Variants in TXNDC11 observed in about 807,000 individuals in gnomAD.
TXNDC11 encodes the protein thioredoxin domain-containing protein 11.
A neutral mutation model predicts 78.0 loss-of-function variants in TXNDC11; 68 were observed. The observed-to-expected ratio is 0.87, with a 90% CI of 0.72 to 1.07. The LOEUF (loss-of-function observed/expected upper bound fraction) is 1.07. Ranked by LOEUF, TXNDC11 falls within the 50% of genes least tolerant of loss-of-function variation. The pLI, the probability that TXNDC11 is intolerant of heterozygous loss-of-function variation, is 0.00. For missense variants in TXNDC11, 1,389 were observed against 1,221.8 expected (o/e 1.14, Z -2.04); for synonymous variants, 571 against 495.2 (o/e 1.15, Z -2.03).
rs746330131 is a variant in TXNDC11 at position 11,679,538 on chromosome 16, A to C, written c.2534T>G (p.Leu845Arg). 1 of 1,613,398 alleles carries C rather than the reference A, an allele frequency of 6.2e-7. No individual in the cohort carries two copies. The highest frequency in any genetic ancestry group is 8.5e-7 in the Non-Finnish European group (1 of 1,180,004). Residue 845 changes from leucine to arginine, a missense_variant, in exon 12 of 12, where the codon CTG (leucine) becomes CGG (arginine). Coordinates refer to ENST00000283033, the MANE Select transcript of TXNDC11 (RefSeq NM_015914.7). The surrounding 1 kb of genome is among the most constrained non-coding windows in gnomAD (Gnocchi z 4.6). ...EHRLRQQQRALEEQHSLLHAH... is the reference protein window; with the variant it reads ...EHRLRQQQRAREEQHSLLHAH... ...GTGGAGCAGGCTGTGCTGCTCTTCC[A>C]GGGCCCGCTGCTGCTGCCGCAGCCG... is the stretch of plus-strand genomic sequence containing the variant.
chr16:11,700,464 G>C lies in TXNDC11; in HGVS notation c.894C>G (p.Phe298Leu). 1 of 1,534,424 alleles carries C rather than the reference G, an allele frequency of 6.5e-7. No individual in the cohort carries two copies. Among genetic ancestry groups the C allele is most frequent in the Non-Finnish European group, 9.0e-7 (1 of 1,112,540 alleles). ...HSGSVYLHRH[F>L]NTSLVFPREV... Reference sequence around the variant, plus strand: ...TCAAAATACTTACAAGTGATGTGTTGAAATGTCTATGTAAATACACACTTC... The same window carrying C: ...TCAAAATACTTACAAGTGATGTGTTCAAATGTCTATGTAAATACACACTTC... Residue 298 changes from phenylalanine to leucine, a missense_variant, in exon 6 of 12, where the codon TTC (phenylalanine) becomes TTG (leucine). Coordinates refer to ENST00000283033, the MANE Select transcript of TXNDC11 (RefSeq NM_015914.7).
At position 11,722,878 on chromosome 16, in the gene TXNDC11, G is replaced by A. The variant is rs371679467; in HGVS notation, c.700-1208C>T. Among the ~76,000 whole-genome samples, 6 of 152,182 alleles carry A rather than the reference G, an allele frequency of 3.9e-5. No individual in the cohort carries two copies. In the East Asian group the frequency reaches 9.6e-4, roughly 24 times the overall value. ...AAGAGGAAACTTTTGATCTGTAGTA[G>A]AATATACTATCTTTCCAATCTAAAC... On this transcript the variant is annotated intron_variant, in intron 4 of 11. Coordinates refer to ENST00000283033, the MANE Select transcript of TXNDC11 (RefSeq NM_015914.7).
At position 11,691,522 on chromosome 16, in the gene TXNDC11, C is replaced by A. The variant is rs879046470; in HGVS notation, c.1668G>T (p.Arg556Ser). The change falls in exon 8 of 12, where the codon AGG becomes AGT. Residue 556 changes from arginine to serine, a missense_variant. Coordinates refer to ENST00000283033, the MANE Select transcript of TXNDC11 (RefSeq NM_015914.7). ...PSSVPHIEEN[R>S]YLFPEVDMTS... is the part of the protein sequence containing the mutation. ...TCATGTCCACTTCTGGAAAGAGATACCTGTTCTCCTCAATGTGAGGAACGG... is the reference window on the plus strand; with the variant it reads ...TCATGTCCACTTCTGGAAAGAGATAACTGTTCTCCTCAATGTGAGGAACGG... 1.9e-6 allele frequency: 3 copies of A among 1,614,056 alleles called. No individual in the cohort carries two copies. Among genetic ancestry groups the A allele is most frequent in the Non-Finnish European group, 2.5e-6 (3 of 1,180,034 alleles).
intron 7 of TXNDC11, among the ~76,000 whole-genome samples, chr16:11,692,619 T>C (rs965169941): frequency 6.6e-6 from 1 of 152,120 alleles, no homozygotes; most frequent in South Asian, 2.1e-4. Flanking sequence ...TCGTGTGTAG[T>C]ATATACAGGG....
At chr16:11,726,237 T>C (rs983802227) in intron 4 of TXNDC11, among the ~76,000 whole-genome samples, 1 of 151,964 alleles carries the variant, frequency 6.6e-6, no homozygotes, top group Non-Finnish European at 1.5e-5. Flanking sequence ...AATGTGATAT[T>C]GGTAGGTCTG....
chr16:11,688,165 C>A (rs2141978824), intron 9 of TXNDC11, 138 bp downstream of exon 9: 2 of 1,012,254 alleles, frequency 2.0e-6, no homozygotes, highest in East Asian at 4.8e-5. Flanking sequence ...ACATGTAATT[C>A]ATTCACGGTC....
chr16:11,696,476 C>T (rs1464340907), intron 7 of TXNDC11, among the ~76,000 whole-genome samples: 1 of 152,224 alleles, frequency 6.6e-6, no homozygotes, highest in Non-Finnish European at 1.5e-5. Flanking sequence ...AAGATGGTGT[C>T]GCATCTATCC....
intron 10 of TXNDC11, among the ~76,000 whole-genome samples, chr16:11,685,189 C>A (rs1007987351): frequency 1.3e-5 from 2 of 152,162 alleles, no homozygotes; most frequent in Admixed American, 6.6e-5. Flanking sequence ...CATGGGGAAA[C>A]CCTGTCTCTA....
chr16:11,709,414 A>AT (rs2051273904), intron 5 of TXNDC11, among the ~76,000 whole-genome samples: 3 of 130,658 alleles, frequency 2.3e-5, no homozygotes, highest in Non-Finnish European at 3.2e-5. Flanking sequence ...TGCGTAGCTA[A>AT]TTTTTTGTAT....
intron 5 of TXNDC11, among the ~76,000 whole-genome samples, chr16:11,710,804 G>A (rs2051328013): frequency 6.6e-6 from 1 of 152,160 alleles, no homozygotes; most frequent in Admixed American, 6.5e-5. Flanking sequence ...AACAGAGTGA[G>A]ACCCTGTCAA....
chr16:11,691,118 G>A (rs189086620), intron 8 of TXNDC11, 172 bp downstream of exon 8: 1 of 612,286 alleles, frequency 1.6e-6, no homozygotes, highest in Non-Finnish European at 2.8e-6. Flanking sequence ...CCATTTAATA[G>A]ACAAAATTAG....
intron 5 of TXNDC11, among the ~76,000 whole-genome samples, chr16:11,712,421 G>A (rs2051389354): frequency 6.6e-6 from 1 of 152,062 alleles, no homozygotes; most frequent in South Asian, 2.1e-4. Context: ...CTCCACCTAA[G>A]GAAGGCTGTC....
In TXNDC11 at chr16:11,742,547, G is replaced by A. The variant is rs1482785518; in HGVS notation, c.184C>T (p.Arg62Trp). The A allele has an allele frequency of 2.1e-6, 3 of 1,455,342 alleles. No individual in the cohort carries two copies. The highest frequency in any genetic ancestry group is 2.6e-5 in the Admixed American group (1 of 38,410). 90.2% of individuals were successfully genotyped at this position (1,455,342 alleles called of 1,614,324 possible). A position where few individuals can be genotyped will look rare whatever the true frequency, so the allele number is the denominator to read the frequency against. ...LRGAFLMARQ[R>W]PELLCGAVAL... ...ACGGCCCCGCAGAGCAGCTCCGGCC[G>A]CTGGCGCGCCATGAGGAAGGCGCCA... is the stretch of plus-strand genomic sequence containing the variant. The change falls in exon 1 of 12, where the codon CGG becomes TGG. Residue 62 changes from arginine (R) to tryptophan (W), a missense_variant. By Grantham distance (101) the Arg-to-Trp change is moderately radical (BLOSUM62 -3). Coordinates refer to ENST00000283033, the MANE Select transcript of TXNDC11 (RefSeq NM_015914.7).
At chr16:11,740,627 TAA>T (rs994756093) in intron 1 of TXNDC11, among the ~76,000 whole-genome samples, 3 of 152,230 alleles carry the variant, frequency 2.0e-5, no homozygotes, top group African/African-American at 7.2e-5. Context: ...CTCTACCTTG[TAA>T]AATACTTTGT....
At chr16:11,683,804 T>C (rs2050495973) in intron 11 of TXNDC11, among the ~76,000 whole-genome samples, 1 of 145,718 alleles carries the variant, frequency 6.9e-6, no homozygotes. Context: ...CAGGTTGGAG[T>C]GCAGTGGTGT....
At chr16:11,703,294 T>A (rs1188373861) in intron 5 of TXNDC11, among the ~76,000 whole-genome samples, 5 of 152,160 alleles carry the variant, frequency 3.3e-5, no homozygotes, top group African/African-American at 1.2e-4. Context: ...ATGCTGTAAA[T>A]CTAGGTAGTA....
At chr16:11,720,802 C>T (rs975432448) in intron 5 of TXNDC11, among the ~76,000 whole-genome samples, 3 of 151,508 alleles carry the variant, frequency 2.0e-5, no homozygotes, top group African/African-American at 4.8e-5. Flanking sequence ...GGTGCAGTGG[C>T]GCGATCTCGG....
At position 11,691,601 on chromosome 16, in the gene TXNDC11, G is replaced by T; in HGVS notation, c.1589C>A (p.Pro530His). 1.2e-6 allele frequency: 2 copies of T among 1,614,190 alleles called. No homozygotes were observed. The highest frequency in any genetic ancestry group is 1.7e-6 in the Non-Finnish European group (2 of 1,180,032). Residue 530 changes from proline (P) to histidine (H), a missense_variant, in exon 8 of 12, where the codon CCT (proline) becomes CAT (histidine). Coordinates refer to ENST00000283033, the MANE Select transcript of TXNDC11 (RefSeq NM_015914.7). Reference sequence around the variant, plus strand: ...CTCAAGGGAAGAAAATGCAACAGTAGGGGCTTCAAAGACACCTTGTTCAGA... The same window carrying T: ...CTCAAGGGAAGAAAATGCAACAGTATGGGCTTCAAAGACACCTTGTTCAGA... ...IDSEQGVFEA[P>H]TVAFSSLEKK...
chr16:11,733,864 G>C (rs190864714), intron 3 of TXNDC11, 118 bp downstream of exon 3: 79 of 711,358 alleles, frequency 1.1e-4, no homozygotes, highest in Non-Finnish European at 1.4e-4. Context: ...TTGCTTATCT[G>C]TATTATCTGA....
Sources: gnomAD v4.1 joint callset for allele counts (sites outside exome capture counted in the v4.1 genomes callset) on GRCh38, gnomAD v4.1.1 for gene constraint, Gnocchi (gnomAD v3.1) non-coding constraint, MANE v1.5 for transcripts, NCBI Gene and HGNC (gene_info 2026-07-23, HGNC 2026-07-21) for gene names.